The following KCNMA1 variants were observed in gnomAD, a reference collection of about 807,000 sequenced individuals.
KCNMA1 encodes potassium calcium-activated channel subfamily M alpha 1.
In KCNMA1, 29 loss-of-function variants were observed where a neutral mutation model predicts 140.0. That is an observed-to-expected ratio of 0.21 (90% confidence interval 0.15 to 0.28). The LOEUF (loss-of-function observed/expected upper bound fraction) is 0.28. KCNMA1 is among the 10% of genes least tolerant of loss of function. The pLI is 1.00. For missense variants in KCNMA1, 880 were observed against 1,602.2 expected, an observed-to-expected ratio of 0.55 and a Z score of 7.70; for synonymous variants, 612 against 611.9, an observed-to-expected ratio of 1.00 and a Z score of 0.00.
At chr10:76,996,817 G>A (rs1056672091) in intron 19 of KCNMA1, among the ~76,000 whole-genome samples, 1 of 152,164 alleles carries the variant, frequency 6.6e-6, no homozygotes, top group Non-Finnish European at 1.5e-5. Context: ...TTAGGGCCCA[G>A]AAGTAAAATA....
At chr10:77,046,178 A>T (rs1225347651) in intron 14 of KCNMA1, among the ~76,000 whole-genome samples, 1 of 152,222 alleles carries the variant, frequency 6.6e-6, no homozygotes, top group African/African-American at 2.4e-5. Flanking sequence ...TTTTCAGTAA[A>T]TATTCTTCCT....
chr10:77,034,257 A>C (rs994707541), intron 15 of KCNMA1, among the ~76,000 whole-genome samples: 2 of 151,824 alleles, frequency 1.3e-5, no homozygotes, highest in African/African-American at 4.8e-5. Flanking sequence ...AAAAAAAAAA[A>C]AAAAAGAGAG....
chr10:77,321,041 C>T (rs1336509272), intron 2 of KCNMA1, among the ~76,000 whole-genome samples: 2 of 152,184 alleles, frequency 1.3e-5, no homozygotes, highest in Non-Finnish European at 2.9e-5. Context: ...CTTTCAGGGC[C>T]TTTCTAAGAA....
chr10:77,262,673 CT>C (rs989247387), intron 2 of KCNMA1, among the ~76,000 whole-genome samples: 6 of 152,090 alleles, frequency 3.9e-5, no homozygotes, highest in African/African-American at 1.4e-4. Context: ...TCTGGGACCT[CT>C]GCACTTCTTT....
At chr10:77,532,225 T>A (rs1325128444) in intron 1 of KCNMA1, among the ~76,000 whole-genome samples, 2 of 152,212 alleles carry the variant, frequency 1.3e-5, no homozygotes. Flanking sequence ...TCCCCCCGTG[T>A]GTCACGCAAT....
intron 16 of KCNMA1, chr10:77,020,454 CTAT>C (rs2092705357): frequency 6.6e-6 from 1 of 152,168 alleles, no homozygotes; most frequent in Non-Finnish European, 1.5e-5. Flanking sequence ...TGTGTCATGA[CTAT>C]TATTAACACT....
chr10:77,520,690 C>G (rs1414759338), intron 1 of KCNMA1, among the ~76,000 whole-genome samples: 2 of 152,116 alleles, frequency 1.3e-5, no homozygotes, highest in Admixed American at 1.3e-4. Context: ...GGTCATCCCA[C>G]GCCATATAAA....
chr10:77,510,529 C>T (rs1438396582), intron 1 of KCNMA1, among the ~76,000 whole-genome samples: 3 of 150,676 alleles, frequency 2.0e-5, no homozygotes, highest in African/African-American at 7.3e-5. Context: ...CTGGGAAGCA[C>T]AAAGATTGTT....
intron 2 of KCNMA1, among the ~76,000 whole-genome samples, chr10:77,304,011 C>A (rs1043737011): frequency 6.6e-6 from 1 of 152,288 alleles, no homozygotes. Flanking sequence ...TGTTTTCATG[C>A]CTTGACCCAA....
At chr10:77,215,903 T>G (rs1355858112) in intron 3 of KCNMA1, among the ~76,000 whole-genome samples, 1 of 149,366 alleles carries the variant, frequency 6.7e-6, no homozygotes, top group Non-Finnish European at 1.5e-5. Flanking sequence ...CTCTCTCCTC[T>G]CTCCTCTCTC....
chr10:77,046,889 C>G (rs6480850), intron 14 of KCNMA1, among the ~76,000 whole-genome samples: 64,210 of 152,090 alleles, frequency 0.42, 15,302 homozygotes, highest in Non-Finnish European at 0.54. Context: ...GTGGAGTTAA[C>G]TAGTGATCAA....
intron 14 of KCNMA1, among the ~76,000 whole-genome samples, chr10:77,046,606 G>C (rs1411017915): frequency 2.6e-5 from 4 of 152,192 alleles, no homozygotes; most frequent in African/African-American, 9.7e-5. Context: ...GTTAAGGCCA[G>C]CAAGGTATTA....
rs1479930009 is a variant in KCNMA1, at chr10:77,404,426, G to A, written c.379-403C>T. ...CCCTAGTAGCTAGAATTACAGGCGC[G>A]CGGCCACCATGCTCGGCTAATTTTT... On this transcript the variant is annotated intron_variant, in intron 1 of 27. Coordinates refer to ENST00000286628, the MANE Select transcript of KCNMA1 (RefSeq NM_001161352.2). Among the ~76,000 whole-genome samples the A allele has an allele frequency of 1.1e-4, 16 of 152,056 alleles. No individual in the cohort carries two copies. The South Asian group carries it at 1.7e-3, about 16-fold the overall frequency.
intron 1 of KCNMA1, among the ~76,000 whole-genome samples, chr10:77,497,259 C>G (rs1229711429): frequency 6.6e-6 from 1 of 152,222 alleles, no homozygotes; most frequent in African/African-American, 2.4e-5. Flanking sequence ...CCCTAATTAG[C>G]CTGGGCATGA....
At chr10:77,059,546 T>C (rs2095661725) in intron 14 of KCNMA1, among the ~76,000 whole-genome samples, 1 of 152,152 alleles carries the variant, frequency 6.6e-6, no homozygotes, top group African/African-American at 2.4e-5. Flanking sequence ...TGGTTCAATA[T>C]TGTATAATCA....
intron 1 of KCNMA1, among the ~76,000 whole-genome samples, chr10:77,483,033 CACACACA>C (rs2098418992): frequency 8.2e-6 from 1 of 122,116 alleles, no homozygotes. Flanking sequence ...CACACACACA[CACACACA>C]CCCCTTGTTC....
chr10:76,888,397 A>C (rs1399786582), intron 27 of KCNMA1: 1 of 152,126 alleles, frequency 6.6e-6, no homozygotes, highest in Non-Finnish European at 1.5e-5. Flanking sequence ...CATAATTTAA[A>C]ATATATATAT....
chr10:77,244,778 T>C (rs1325869242), intron 3 of KCNMA1, among the ~76,000 whole-genome samples: 5 of 148,142 alleles, frequency 3.4e-5, no homozygotes, highest in Non-Finnish European at 7.4e-5. Flanking sequence ...GCACCAAGTG[T>C]TGCTATTAAA....
chr10:77,221,129 G>A (rs1345461724), intron 3 of KCNMA1, among the ~76,000 whole-genome samples: 1 of 152,170 alleles, frequency 6.6e-6, no homozygotes, highest in African/African-American at 2.4e-5. Flanking sequence ...ATTCACAAAT[G>A]CAAATTGCTT....
Sources: gnomAD v4.1 joint callset for allele counts (sites outside exome capture counted in the v4.1 genomes callset) on GRCh38, gnomAD v4.1.1 for gene constraint, MANE v1.5 for transcripts, NCBI Gene and HGNC (gene_info 2026-07-23, HGNC 2026-07-21) for gene names.